Variants in CHRM2 observed in about 807,000 individuals in gnomAD.
CHRM2 encodes cholinergic receptor muscarinic 2, also known as muscarinic acetylcholine receptor M2.
Under a neutral mutation model 25.0 loss-of-function variants are expected in CHRM2, and 8 were observed. The ratio of observed to expected loss-of-function variants is 0.32; its 90% CI spans 0.19 to 0.58. The LOEUF (loss-of-function observed/expected upper bound fraction) is 0.58, where lower values mean the gene tolerates loss of function less well. Ranked by LOEUF, CHRM2 falls within the 20% of genes least tolerant of loss-of-function variation. CHRM2 has a pLI of 0.88. For synonymous variants in CHRM2, 202 were observed against 205.7 expected (o/e 0.98, Z 0.15); for missense variants, 440 against 567.1 (o/e 0.78, Z 2.28).
At chr7:136,872,686 C>G (rs1795887886) in intron 2 of CHRM2, among the ~76,000 whole-genome samples, 1 of 152,110 alleles carries the variant, frequency 6.6e-6, no homozygotes, top group Admixed American at 6.5e-5. Context: ...GGAAGTTAGG[C>G]TGGCTAATTA....
chr7:136,938,915 C>CAAAAAAAAAA lies in CHRM2; in HGVS notation c.-124-53233_-124-53224dup, dbSNP rs56868385. 2.4e-4 allele frequency among the ~76,000 whole-genome samples: 16 copies of CAAAAAAAAAA among 66,950 alleles called. 1 individual carries two copies. The highest frequency in any genetic ancestry group is 4.6e-4 in the Non-Finnish European group (16 of 35,082). The allele number at this position is 66,950 out of a possible 152,430, so 43.9% of individuals were successfully genotyped here. ...AAAATAAAACTTCAGCTAGCTCTGC[C>CAAAAAAAAAA]AAAAAAAAAAAAAAAAAAAAAAAAA... On this transcript the variant is annotated intron_variant, in intron 2 of 3. Coordinates refer to ENST00000680005, the MANE Select transcript of CHRM2 (RefSeq NM_001006630.2).
At chr7:136,922,628 C>A (rs1798512716) in intron 2 of CHRM2, among the ~76,000 whole-genome samples, 1 of 152,174 alleles carries the variant, frequency 6.6e-6, no homozygotes, top group South Asian at 2.1e-4. Context: ...CTTTCCTCTG[C>A]ATCTTGGCGC....
In CHRM2 at chr7:137,005,075, G is replaced by T. The variant is rs116874722; in HGVS notation, c.-46-9745G>T. Among the ~76,000 whole-genome samples the T allele has an allele frequency of 9.7e-3, 1,471 of 152,100 alleles. 17 individuals carry two copies. The highest frequency in any genetic ancestry group is 0.02 in the South Asian group (95 of 4,830). ...CATTTCTGTCATTGAAAAGCTAGAA[G>T]AACCAAGATTTAGCTATATGGGGGT... On this transcript the variant is annotated intron_variant, in intron 3 of 3. Coordinates refer to ENST00000680005, the MANE Select transcript of CHRM2 (RefSeq NM_001006630.2).
intron 3 of CHRM2, among the ~76,000 whole-genome samples, chr7:136,995,724 A>G (rs1803554480): frequency 6.6e-6 from 1 of 152,136 alleles, no homozygotes; most frequent in Non-Finnish European, 1.5e-5. Flanking sequence ...AGACTGCACC[A>G]CTGCACACTC....
chr7:136,897,832 C>A (rs1013181894), intron 2 of CHRM2, among the ~76,000 whole-genome samples: 3 of 152,070 alleles, frequency 2.0e-5, no homozygotes, highest in African/African-American at 7.2e-5. Flanking sequence ...TAATTTACAA[C>A]TCTCAATGTG....
At chr7:136,920,566 C>A (rs554443617) in intron 2 of CHRM2, among the ~76,000 whole-genome samples, 1 of 152,262 alleles carries the variant, frequency 6.6e-6, no homozygotes, top group African/African-American at 2.4e-5. Context: ...ACCCCGGGGT[C>A]TGTTGCCCTA....
intron 2 of CHRM2, among the ~76,000 whole-genome samples, chr7:136,941,035 C>T (rs996060244): frequency 1.3e-5 from 2 of 152,208 alleles, no homozygotes; most frequent in Non-Finnish European, 2.9e-5. Flanking sequence ...GATTCTAGAA[C>T]AGGGTCCTAG....
intron 3 of CHRM2, among the ~76,000 whole-genome samples, chr7:137,004,409 G>A (rs1414629661): frequency 6.6e-6 from 1 of 152,032 alleles, no homozygotes; most frequent in Non-Finnish European, 1.5e-5. Context: ...TAAAGATTAT[G>A]GTTTGGTAAT....
At chr7:136,900,891 T>G (rs1293701044) in intron 2 of CHRM2, among the ~76,000 whole-genome samples, 2 of 151,890 alleles carry the variant, frequency 1.3e-5, no homozygotes, top group African/African-American at 4.8e-5. Flanking sequence ...CACTGAAAGA[T>G]CTGAATGATA....
chr7:136,923,398 C>T lies in CHRM2; in HGVS notation c.-125+53980C>T, dbSNP rs558249796. On this transcript the variant is annotated intron_variant, in intron 2 of 3. Transcript: ENST00000680005. ...CCCTCCCTGGAATGTGCTCCCTGCTCTGTCTACACAAACGGATCAGAGGAT... is the reference window on the plus strand; with the variant it reads ...CCCTCCCTGGAATGTGCTCCCTGCTTTGTCTACACAAACGGATCAGAGGAT... Among the ~76,000 whole-genome samples the T allele has an allele frequency of 2.6e-5, 4 of 151,984 alleles. No homozygotes were observed. In the East Asian group the frequency reaches 5.8e-4, roughly 22 times the overall value.
At chr7:136,893,035 T>G (rs1356747076) in intron 2 of CHRM2, among the ~76,000 whole-genome samples, 1 of 152,070 alleles carries the variant, frequency 6.6e-6, no homozygotes, top group Admixed American at 6.5e-5. Flanking sequence ...GTTCTCTCTC[T>G]CTTGTTCTTC....
At chr7:136,958,304 T>C (rs192228559) in intron 2 of CHRM2, among the ~76,000 whole-genome samples, 40 of 152,086 alleles carry the variant, frequency 2.6e-4, no homozygotes, top group Admixed American at 6.5e-4. Context: ...GAGGGCAGAG[T>C]GGTTGGGCTC....
chr7:137,008,081 A>T (rs998167195), intron 3 of CHRM2, among the ~76,000 whole-genome samples: 13 of 152,144 alleles, frequency 8.5e-5, no homozygotes, highest in East Asian at 5.8e-4. Context: ...TCAGAAAAAA[A>T]ATATAGCTGG....
In CHRM2 at chr7:137,015,874, T is replaced by G; in HGVS notation, c.1009T>G (p.Cys337Gly). The G allele has an allele frequency of 6.2e-7, 1 of 1,613,190 alleles. No homozygotes were observed. The highest frequency in any genetic ancestry group is 8.5e-7 in the Non-Finnish European group (1 of 1,179,488). ...CACCAAGACCCCAAAAAGTGACTCA[T>G]GTACCCCAACTAATACCACCGTGGA... ...IGTKTPKSDS[C>G]TPTNTTVEVV... The change falls in exon 4 of 4, where the codon TGT becomes GGT. Residue 337 changes from cysteine (C) to glycine (G), a missense_variant. Coordinates refer to ENST00000680005, the MANE Select transcript of CHRM2 (RefSeq NM_001006630.2). The surrounding 1 kb of genome is among the most constrained non-coding windows in gnomAD (Gnocchi z 5.1).
chr7:136,962,767 T>C (rs564128096), intron 2 of CHRM2, among the ~76,000 whole-genome samples: 185 of 152,194 alleles, frequency 1.2e-3, no homozygotes, highest in African/African-American at 3.8e-3. Context: ...CCAGAAAAGG[T>C]CTAATATGCA....
chr7:136,962,075 G>A (rs1361167179), intron 2 of CHRM2, among the ~76,000 whole-genome samples: 3 of 152,178 alleles, frequency 2.0e-5, no homozygotes, highest in Middle Eastern at 3.4e-3. Flanking sequence ...ATACTGTGGG[G>A]TATATGACCA....
intron 2 of CHRM2, among the ~76,000 whole-genome samples, chr7:136,873,183 A>G (rs530292350): frequency 1.3e-5 from 2 of 151,908 alleles, no homozygotes; most frequent in Admixed American, 6.6e-5. Flanking sequence ...TCCTGTACCC[A>G]CTCTGTCCAC....
chr7:136,947,135 G>T (rs920570050), intron 2 of CHRM2, among the ~76,000 whole-genome samples: 4 of 152,176 alleles, frequency 2.6e-5, no homozygotes, highest in African/African-American at 9.7e-5. Context: ...ATTAAGGAAA[G>T]ATTTGGAAGG....
intron 2 of CHRM2, among the ~76,000 whole-genome samples, chr7:136,986,832 G>T (rs976405850): frequency 6.6e-6 from 1 of 152,118 alleles, no homozygotes; most frequent in East Asian, 1.9e-4. Context: ...AGATTGAACA[G>T]AAGTTTTAGG....
Sources: gnomAD v4.1 joint callset for allele counts (sites outside exome capture counted in the v4.1 genomes callset) on GRCh38, gnomAD v4.1.1 for gene constraint, Gnocchi (gnomAD v3.1) non-coding constraint, MANE v1.5 for transcripts, NCBI Gene and HGNC (gene_info 2026-07-23, HGNC 2026-07-21) for gene names.